The following ROR2 variants were observed in gnomAD, a reference collection of about 807,000 sequenced individuals.
ROR2 encodes the protein tyrosine-protein kinase transmembrane receptor ROR2.
A neutral mutation model predicts 74.9 loss-of-function variants in ROR2; 33 were observed. The ratio of observed to expected loss-of-function variants is 0.44; its 90% CI spans 0.33 to 0.59. ROR2 has a LOEUF of 0.59. Among genes scored for constraint, ROR2 ranks in the 20% least tolerant of loss-of-function variants. ROR2 has a pLI of 0.02. For synonymous variants in ROR2, 586 were observed against 558.7 expected (o/e 1.05, Z -0.69); for missense variants, 1,216 against 1,313.8 (o/e 0.93, Z 1.15).
intron 1 of ROR2, among the ~76,000 whole-genome samples, chr9:91,816,791 G>A (rs1827954893): frequency 6.8e-6 from 1 of 147,510 alleles, no homozygotes; most frequent in Non-Finnish European, 1.5e-5. Context: ...TGAGATAAAG[G>A]AGTGAGGGTA....
intron 1 of ROR2, among the ~76,000 whole-genome samples, chr9:91,888,838 T>C (rs904976358): frequency 1.3e-5 from 2 of 152,166 alleles, no homozygotes; most frequent in African/African-American, 4.8e-5. Flanking sequence ...GTCCTTTCTT[T>C]ATTCACTCCT....
intron 4 of ROR2, among the ~76,000 whole-genome samples, chr9:91,746,453 C>T (rs1390688856): frequency 6.6e-6 from 1 of 152,180 alleles, no homozygotes; most frequent in Non-Finnish European, 1.5e-5. Context: ...TGCTGTTTTC[C>T]TGTAATTAGG....
At position 91,816,923 on chromosome 9, in the gene ROR2, T is replaced by C. The variant is rs570194873; in HGVS notation, c.98-41105A>G. On this transcript the variant is annotated intron_variant, in intron 1 of 8. Coordinates refer to ENST00000375708, the MANE Select transcript of ROR2 (RefSeq NM_004560.4). ...CACAGCAAAGCTGCCCTACCTTAAG[T>C]TGACATGATCTTAAATCTCCTAAAA... 2.6e-5 allele frequency among the ~76,000 whole-genome samples: 4 copies of C among 152,314 alleles called. No individual in the cohort carries two copies. The South Asian group carries it at 6.2e-4, about 24-fold the overall frequency.
intron 1 of ROR2, among the ~76,000 whole-genome samples, chr9:91,788,504 T>C (rs1170125513): frequency 6.6e-6 from 1 of 150,904 alleles, no homozygotes; most frequent in Non-Finnish European, 1.5e-5. Context: ...TGGCTTCTCA[T>C]CAGAACCCAG....
intron 1 of ROR2, among the ~76,000 whole-genome samples, chr9:91,938,790 T>TATTG (rs1831771322): frequency 6.6e-6 from 1 of 152,214 alleles, no homozygotes; most frequent in Non-Finnish European, 1.5e-5. Flanking sequence ...TAGATCCCCA[T>TATTG]ATTGACTTGC....
intron 1 of ROR2, among the ~76,000 whole-genome samples, chr9:91,826,759 G>A (rs1347374157): frequency 6.6e-6 from 1 of 150,406 alleles, no homozygotes; most frequent in East Asian, 2.0e-4. Context: ...ACTCCAGCCT[G>A]GGCAACAGAG....
At chr9:91,940,931 C>CTAAA in intron 1 of ROR2, among the ~76,000 whole-genome samples, 2 of 150,782 alleles carry the variant, frequency 1.3e-5, no homozygotes, top group Middle Eastern at 7.0e-3. Flanking sequence ...ACAGCATGTG[C>CTAAA]TAAACTCCAT....
At chr9:91,813,641 G>A (rs1399795511) in intron 1 of ROR2, among the ~76,000 whole-genome samples, 1 of 152,186 alleles carries the variant, frequency 6.6e-6, no homozygotes, top group Non-Finnish European at 1.5e-5. Flanking sequence ...AATGGGCCCC[G>A]CCTTGAACCC....
intron 1 of ROR2, among the ~76,000 whole-genome samples, chr9:91,832,788 C>G (rs1201739722): frequency 6.6e-6 from 1 of 152,146 alleles, no homozygotes; most frequent in South Asian, 2.1e-4. Context: ...CTAGTTGGAC[C>G]CTGACAGGTA....
intron 1 of ROR2, among the ~76,000 whole-genome samples, chr9:91,801,321 T>TAAAAAAGC (rs1564285189): frequency 1.3e-5 from 2 of 152,122 alleles, no homozygotes; most frequent in South Asian, 4.1e-4. Context: ...CTAAATAAAA[T>TAAAAAAGC]TTGCACGCTT....
intron 1 of ROR2, among the ~76,000 whole-genome samples, chr9:91,830,838 GTGTGTGTGTGTGTGTGTA>G (rs1190061832): frequency 5.3e-5 from 8 of 151,832 alleles, no homozygotes; most frequent in African/African-American, 1.9e-4. Context: ...GTGTGTGTGT[GTGTGTGTGTGTGTGTGTA>G]GAGAAACTCA....
intron 1 of ROR2, among the ~76,000 whole-genome samples, chr9:91,898,400 G>A (rs1487781521): frequency 1.3e-5 from 2 of 152,050 alleles, no homozygotes; most frequent in South Asian, 2.1e-4. Context: ...TGGTGTCCCC[G>A]TTTCAGAGAT....
intron 1 of ROR2, among the ~76,000 whole-genome samples, chr9:91,852,571 C>A (rs1289162133): frequency 6.6e-6 from 1 of 150,876 alleles, no homozygotes; most frequent in Non-Finnish European, 1.5e-5. Context: ...GGAACTTGAG[C>A]CCATCTGGAT....
chr9:91,757,760 G>A (rs889454562), intron 2 of ROR2, among the ~76,000 whole-genome samples: 5 of 152,102 alleles, frequency 3.3e-5, no homozygotes, highest in African/African-American at 4.8e-5. Context: ...CTGCTCCTAT[G>A]GGAAATACAG....
chr9:91,832,655 C>T (rs1003130937), intron 1 of ROR2, among the ~76,000 whole-genome samples: 6 of 152,188 alleles, frequency 3.9e-5, no homozygotes, highest in South Asian at 4.1e-4. Context: ...CCCACAGTTC[C>T]AGCCACCCTT....
chr9:91,863,369 G>C (rs1430390390), intron 1 of ROR2, among the ~76,000 whole-genome samples: 1 of 152,040 alleles, frequency 6.6e-6, no homozygotes, highest in East Asian at 1.9e-4. Context: ...ATACAACCAA[G>C]AGAAATGAAA....
At chr9:91,937,400 T>C (rs1186443093) in intron 1 of ROR2, among the ~76,000 whole-genome samples, 1 of 152,042 alleles carries the variant, frequency 6.6e-6, no homozygotes, top group African/African-American at 2.4e-5. Context: ...AACTCCGAAC[T>C]CCCATTTCTC....
chr9:91,840,262 C>A (rs571763596), intron 1 of ROR2, among the ~76,000 whole-genome samples: 1 of 152,152 alleles, frequency 6.6e-6, no homozygotes. Flanking sequence ...CACAACGGCC[C>A]GGGATAACGT....
At position 91,801,643 on chromosome 9, in the gene ROR2, C is replaced by T. The variant is rs200303431; in HGVS notation, c.98-25825G>A. 2.9e-4 allele frequency among the ~76,000 whole-genome samples: 44 copies of T among 152,278 alleles called. 1 individual carries two copies. In the East Asian group the frequency reaches 7.0e-3, roughly 24 times the overall value. On this transcript the variant is annotated intron_variant, in intron 1 of 8. Coordinates refer to ENST00000375708, the MANE Select transcript of ROR2 (RefSeq NM_004560.4). ...CAGCTCCTGGCCTGCATGCTTTTCT[C>T]CTTGTCCATCTATCTCATGCCGGAA...
Sources: allele counts gnomAD v4.1 joint callset (sites outside exome capture counted in the v4.1 genomes callset), GRCh38; gene constraint gnomAD v4.1.1; transcripts MANE v1.5; gene names NCBI Gene and HGNC (gene_info 2026-07-23, HGNC 2026-07-21).